The following ARHGEF37 variants were observed in gnomAD, a reference collection of about 807,000 sequenced individuals.
ARHGEF37 encodes Rho guanine nucleotide exchange factor 37.
A neutral mutation model predicts 71.1 loss-of-function variants in ARHGEF37; 55 were observed. The observed-to-expected ratio is 0.77, with a 90% confidence interval of 0.62 to 0.97. ARHGEF37 has a LOEUF of 0.97. Among genes scored for constraint, ARHGEF37 ranks in the 50% least tolerant of loss-of-function variants. ARHGEF37 has a pLI of 0.00. For synonymous variants in ARHGEF37, 327 were observed against 350.6 expected, an observed-to-expected ratio of 0.93 and a Z score of 0.75; for missense variants, 765 against 836.8, an observed-to-expected ratio of 0.91 and a Z score of 1.06.
chr5:149,576,698 T>TG (rs770969296), upstream of ARHGEF37, among the ~76,000 whole-genome samples: 49 of 152,220 alleles, frequency 3.2e-4, no homozygotes, highest in Non-Finnish European at 4.9e-4. Flanking sequence ...GGCTCACACC[T>TG]GTAATCCCAG....
chr5:149,570,648 T>G (rs1028933644), intron 1 of ARHGEF37, among the ~76,000 whole-genome samples: 1 of 150,292 alleles, frequency 6.7e-6, no homozygotes, highest in Non-Finnish European at 1.5e-5. Flanking sequence ...GAGGCAGAGG[T>G]GGGCGGATCA....
At chr5:149,622,383 T>C (rs376854390) in intron 9 of ARHGEF37, among the ~76,000 whole-genome samples, 5 of 152,292 alleles carry the variant, frequency 3.3e-5, no homozygotes, top group African/African-American at 1.2e-4. Context: ...TAGAAGTTGA[T>C]GACAGAGACA....
chr5:149,559,962 T>C (rs184452409), intron 1 of ARHGEF37, among the ~76,000 whole-genome samples: 3 of 152,250 alleles, frequency 2.0e-5, no homozygotes, highest in South Asian at 2.1e-4. Context: ...AGTGAAGCAA[T>C]TGAGTTCTAT....
Position 149,598,802 on chromosome 5 carries a change from A to ATATAGG in ARHGEF37, c.186+851_186+852insGGTATA, listed in dbSNP as rs1322315814. ...GATATATAGATATAGATATATAGAT[A>ATATAGG]TATATATGTGTGTGTGTGTGTATAT... On this transcript the variant is annotated intron_variant, in intron 2 of 12. Transcript: ENST00000333677. 7.7e-5 allele frequency among the ~76,000 whole-genome samples: 11 copies of ATATAGG among 143,104 alleles called. No homozygotes were observed. In the South Asian group the frequency reaches 1.3e-3, roughly 17 times the overall value. 93.9% of individuals were successfully genotyped at this position (143,104 alleles called of 152,430 possible).
upstream of ARHGEF37, among the ~76,000 whole-genome samples, chr5:149,579,980 T>C (rs1350619709): frequency 6.6e-6 from 1 of 152,234 alleles, no homozygotes; most frequent in Non-Finnish European, 1.5e-5. Context: ...TGCATCCTGG[T>C]GGCCTCTAAG....
intron 2 of ARHGEF37, among the ~76,000 whole-genome samples, chr5:149,600,239 A>G (rs1358538840): frequency 6.6e-6 from 1 of 152,252 alleles, no homozygotes; most frequent in Non-Finnish European, 1.5e-5. Flanking sequence ...GCAGTTTATC[A>G]TTGATTAAAA....
chr5:149,620,119 G>A lies in ARHGEF37; in HGVS notation c.895-235G>A, dbSNP rs544945505. ...GAAAAAAACCCCACAAAGGTGGCAT[G>A]TAAATGTATGAAGTTCAAGAAGCAC... On this transcript the variant is annotated intron_variant, in intron 7 of 12. Transcript: ENST00000333677. Among the ~76,000 whole-genome samples the A allele has an allele frequency of 2.8e-4, 43 of 152,074 alleles. 1 individual carries two copies. Among genetic ancestry groups the A allele is most frequent in the South Asian group, 1.7e-3 (8 of 4,810 alleles).
At chr5:149,568,075 CAG>C (rs1762918632) in intron 1 of ARHGEF37, among the ~76,000 whole-genome samples, 1 of 151,910 alleles carries the variant, frequency 6.6e-6, no homozygotes, top group Admixed American at 6.6e-5. Flanking sequence ...CCTTAACAGT[CAG>C]AAACCTGATT....
At chr5:149,571,925 AAG>A (rs60540086) in intron 1 of ARHGEF37, among the ~76,000 whole-genome samples, 17,154 of 142,622 alleles carry the variant, frequency 0.12, 939 homozygotes, top group Non-Finnish European at 0.13. Flanking sequence ...AAAAAAAAAA[AAG>A]AAGTTGACAA....
intron 5 of ARHGEF37, among the ~76,000 whole-genome samples, chr5:149,617,205 T>A (rs1321849901): frequency 6.6e-6 from 1 of 152,244 alleles, no homozygotes; most frequent in Non-Finnish European, 1.5e-5. Flanking sequence ...TTATGTGCCC[T>A]TCTTTGAATT....
Position 149,618,925 on chromosome 5 carries a change from A to C in ARHGEF37, c.790-13A>C. 6.2e-7 allele frequency: 1 copy of C among 1,605,464 alleles called. No individual in the cohort carries two copies. The highest frequency in any genetic ancestry group is 8.5e-7 in the Non-Finnish European group (1 of 1,172,176). On this transcript the variant is annotated splice_polypyrimidine_tract_variant and intron_variant, in intron 6 of 12. Transcript: ENST00000333677. ...ATGTGGATATTCTCAACCCTCACACACATTACTTTCAGACAGAAGACAAGG... is the reference window on the plus strand; with the variant it reads ...ATGTGGATATTCTCAACCCTCACACCCATTACTTTCAGACAGAAGACAAGG...
chr5:149,619,117 C>T, intron 7 of ARHGEF37, 75 bp downstream of exon 7: 1 of 1,265,186 alleles, frequency 7.9e-7, no homozygotes, highest in Non-Finnish European at 1.2e-6. Context: ...AGGGCCCAGC[C>T]TACAAGCTGG....
chr5:149,631,997 C>G lies in ARHGEF37; in HGVS notation c.1834C>G (p.Pro612Ala). 3.1e-6 allele frequency: 5 copies of G among 1,614,234 alleles called. No individual in the cohort carries two copies. Among genetic ancestry groups the G allele is most frequent in the South Asian group, 2.2e-5 (2 of 91,080 alleles). ...TGTGTTTCAGGTCATAGCCGCGTAC[C>G]CTTTTGTGGCCAGAAGCAGCCATGA... ...PTMNQVIAAY[P>A]FVARSSHEVS... Residue 612 changes from proline (P) to alanine (A), a missense_variant, in exon 13 of 13, where the codon CCT becomes GCT. Around this residue, in one of 5 missense-constraint regions of ARHGEF37, gnomAD observed 390 missense variants for 407.4 expected, o/e 0.96. Transcript: ENST00000333677.
intron 8 of ARHGEF37, among the ~76,000 whole-genome samples, chr5:149,621,449 C>A (rs7701251): frequency 0.034 from 5,072 of 151,072 alleles, 286 homozygotes; most frequent in African/African-American, 0.11. Context: ...AAAAAAAAAA[C>A]AAAAAACTTT....
chr5:149,626,278 ACACACACACG>A (rs1441339197), intron 10 of ARHGEF37, among the ~76,000 whole-genome samples: 77 of 146,652 alleles, frequency 5.3e-4, no homozygotes, highest in South Asian at 1.9e-3. Context: ...ACACACACAC[ACACACACACG>A]CCTCTCTCAA....
Position 149,571,091 on chromosome 5 carries a change from C to A in ARHGEF37, c.-12+18968C>A, listed in dbSNP as rs180834392. ...CCAAGTAGCTGGGATTGCAGGCATG[C>A]GCCACCACGCCCAGCTAATTTTTTG... On this transcript the variant is annotated intron_variant, in intron 1 of 2. Coordinates refer to the ARHGEF37 transcript ENST00000505810. Among the ~76,000 whole-genome samples, 669 of 150,706 alleles carry A rather than the reference C, an allele frequency of 4.4e-3. 20 individuals carry two copies. Among genetic ancestry groups the A allele is most frequent in the East Asian group, 0.043 (213 of 4,926 alleles).
intron 1 of ARHGEF37, among the ~76,000 whole-genome samples, chr5:149,597,065 C>A (rs749118646): frequency 1.3e-5 from 2 of 151,708 alleles, no homozygotes; most frequent in Admixed American, 6.6e-5. Flanking sequence ...ATAGCCCAGG[C>A]GATGGGTAGT....
chr5:149,582,983 C>T (rs1175520661), intron 1 of ARHGEF37, among the ~76,000 whole-genome samples: 1 of 152,146 alleles, frequency 6.6e-6, no homozygotes, highest in Non-Finnish European at 1.5e-5. Flanking sequence ...GTGATGGTAT[C>T]CTAAATAAGG....
rs533202064 is a variant in ARHGEF37, at chr5:149,583,756, A to AT, written c.-12+2135dup. Among the ~76,000 whole-genome samples, 44 of 152,158 alleles carry AT rather than the reference A, an allele frequency of 2.9e-4. 1 individual carries two copies. The South Asian group carries it at 8.1e-3, about 28-fold the overall frequency. On this transcript the variant is annotated intron_variant, in intron 1 of 12. Transcript: ENST00000333677. ...TGCTTGTTTATTAATAGGCTGAAGA[A>AT]TTTGTTTATTTGTTTGTTTATTTAG...
Sources: allele counts gnomAD v4.1 joint callset (sites outside exome capture counted in the v4.1 genomes callset), GRCh38; gene constraint gnomAD v4.1.1; regional missense constraint gnomAD v4.1.1; transcripts MANE v1.5; gene names NCBI Gene and HGNC (gene_info 2026-07-23, HGNC 2026-07-21).